BRCA1: variants seen among roughly 807,000 people sequenced by gnomAD.
BRCA1 encodes breast cancer type 1 susceptibility protein.
In BRCA1, 140 loss-of-function variants were observed where a neutral mutation model predicts 173.7. The observed-to-expected ratio is 0.81, with a 90% CI of 0.70 to 0.93. BRCA1 has a LOEUF of 0.93. Among genes scored for constraint, BRCA1 ranks in the 40% least tolerant of loss-of-function variants. The pLI, the probability that BRCA1 is intolerant of heterozygous loss-of-function variation, is 0.00. For synonymous variants in BRCA1, 662 were observed against 756.0 expected (o/e 0.88, Z 2.04); for missense variants, 1,983 against 2,172.5 (o/e 0.91, Z 1.73).
chr17:43,138,958 C>T (rs2056052572), intron 1 of BRCA1: 1 of 778,782 alleles, frequency 1.3e-6, no homozygotes, highest in South Asian at 1.3e-5. Context: ...ACAACCCCCT[C>T]CCCACAACCT....
intron 11 of BRCA1, among the ~76,000 whole-genome samples, chr17:43,083,595 G>A (rs1245508803): frequency 1.3e-5 from 2 of 152,178 alleles, no homozygotes; most frequent in East Asian, 3.8e-4. Flanking sequence ...TCATGGTGCT[G>A]CCATTCTAGA....
chr17:43,100,681 A>ATG (rs1372486950), intron 6 of BRCA1, among the ~76,000 whole-genome samples: 4 of 11,432 alleles, frequency 3.5e-4, no homozygotes, highest in Middle Eastern at 0.045. Context: ...TATATATAAT[A>ATG]TATATATATA....
At chr17:43,082,355 A>T in intron 12 of BRCA1, 49 bp downstream of exon 12, 1 of 1,582,398 alleles carries the variant, frequency 6.3e-7, no homozygotes, top group African/African-American at 1.3e-5. Flanking sequence ...GATAAAGGGG[A>T]AGGAAAGAAT....
In BRCA1 at chr17:43,097,321, T is replaced by C. The variant is rs1384728821; in HGVS notation, c.548-32A>G. 5.7e-6 allele frequency: 9 copies of C among 1,568,826 alleles called. No individual in the cohort carries two copies. In the East Asian group the frequency reaches 6.7e-5, roughly 12 times the overall value. On this transcript the variant is annotated intron_variant, in intron 7 of 22. Transcript: ENST00000357654. ...AATTTCCCCCCAAAAAATAAATCAATAAAAGTTTTCTTAATTAAAAGGGTT... is the reference window on the plus strand; with the variant it reads ...AATTTCCCCCCAAAAAATAAATCAACAAAAGTTTTCTTAATTAAAAGGGTT...
intron 18 of BRCA1, among the ~76,000 whole-genome samples, chr17:43,060,387 C>T (rs1357658009): frequency 3.3e-5 from 5 of 151,972 alleles, no homozygotes; most frequent in Admixed American, 3.3e-4. Context: ...GGGGTTTTGC[C>T]ACGTTGGCCA....
rs373218165 is a variant in BRCA1 at position 43,094,414 on chromosome 17, T to C, written c.1117A>G (p.Ile373Val). The stretch of plus-strand genomic sequence containing the variant: ...TTCTGAATGCTGCTATTTAGTGTTA[T>C]CCAAGGAACATCTTCAGTATCTCTA... ...NPRDTEDVPW[I>V]TLNSSIQKVN... The change falls in exon 10 of 23, where the codon ATA becomes GTA. Residue 373 changes from isoleucine (I) to valine (V), a missense_variant. By Grantham distance (29) the Ile-to-Val change is conservative (BLOSUM62 3). Coordinates refer to ENST00000357654, the MANE Select transcript of BRCA1 (RefSeq NM_007294.4). 6.2e-7 allele frequency: 1 copy of C among 1,614,080 alleles called. No homozygotes were observed. Among genetic ancestry groups the C allele is most frequent in the Non-Finnish European group, 8.5e-7 (1 of 1,180,046 alleles).
chr17:43,165,014 C>A (rs2056258414), intron 1 of BRCA1, among the ~76,000 whole-genome samples: 1 of 152,038 alleles, frequency 6.6e-6, no homozygotes, highest in Admixed American at 6.6e-5. Flanking sequence ...CCAAAGAAAG[C>A]CAAATACCAT....
intron 2 of BRCA1, among the ~76,000 whole-genome samples, chr17:43,121,584 G>A (rs2055575352): frequency 6.7e-6 from 1 of 150,028 alleles, no homozygotes; most frequent in African/African-American, 2.5e-5. Flanking sequence ...TCCGGAGGCT[G>A]AGGCAGCAGA....
At position 43,124,077 on chromosome 17, in the gene BRCA1, C is replaced by A. The variant is rs144792613; in HGVS notation, c.20G>T (p.Arg7Leu). 1 of 1,613,436 alleles carries A rather than the reference C, an allele frequency of 6.2e-7. No individual in the cohort carries two copies. Among genetic ancestry groups the A allele is most frequent in the Non-Finnish European group, 8.5e-7 (1 of 1,179,538 alleles). ...AATGACATTTTGTACTTCTTCAACG[C>A]GAAGAGCAGATAAATCCATTTCTTT... MDLSAL[R>L]VEEVQNVINA... The change falls in exon 2 of 23, where the codon CGC becomes CTC. Residue 7 changes from arginine to leucine, a missense_variant. Coordinates refer to ENST00000357654, the MANE Select transcript of BRCA1 (RefSeq NM_007294.4).
chr17:43,116,974 T>G (rs945537488), intron 2 of BRCA1, among the ~76,000 whole-genome samples: 2 of 152,220 alleles, frequency 1.3e-5, no homozygotes, highest in African/African-American at 4.8e-5. Flanking sequence ...TAGCCTTATT[T>G]CCTATAAACT....
chr17:43,159,308 G>A (rs964571221), intron 1 of BRCA1: 2 of 166,382 alleles, frequency 1.2e-5, no homozygotes, highest in South Asian at 1.9e-4. Context: ...AAATGTGGCC[G>A]GGCAGGGGGC....
At chr17:43,058,247 G>A (rs2051596301) in intron 18 of BRCA1, among the ~76,000 whole-genome samples, 1 of 151,708 alleles carries the variant, frequency 6.6e-6, no homozygotes, top group East Asian at 1.9e-4. Context: ...AGTTGCATGT[G>A]CCTGCAGTCC....
At chr17:43,144,222 C>CA in intron 1 of BRCA1, 1 of 334,332 alleles carries the variant, frequency 3.0e-6, no homozygotes, top group Non-Finnish European at 6.1e-6. Flanking sequence ...GACTCCATCT[C>CA]AATAAAAAAA....
chr17:43,121,174 GA>G (rs1306526155), intron 2 of BRCA1, among the ~76,000 whole-genome samples: 1 of 151,886 alleles, frequency 6.6e-6, no homozygotes, highest in Non-Finnish European at 1.5e-5. Flanking sequence ...AGGAGATCGA[GA>G]CCATCTTGGC....
At chr17:43,104,336 G>GC in intron 5 of BRCA1, 75 bp from the exon 6 acceptor site, 2 of 1,472,650 alleles carry the variant, frequency 1.4e-6, no homozygotes, top group South Asian at 2.3e-5. Context: ...GAAACCAAGA[G>GC]AAACCCTATG....
At chr17:43,067,255 G>GTTTT (rs34267863) in intron 16 of BRCA1, 6 of 172,730 alleles carry the variant, frequency 3.5e-5, no homozygotes, top group South Asian at 9.3e-5. Flanking sequence ...ATTTTTTCAC[G>GTTTT]TTTTTTTTTT....
At position 43,045,622 on chromosome 17, in the gene BRCA1, C is replaced by T. The variant is rs2152458384; in HGVS notation, c.*56G>A. The T allele has an allele frequency of 6.2e-7, 1 of 1,612,702 alleles. No homozygotes were observed. The highest frequency in any genetic ancestry group is 8.5e-7 in the Non-Finnish European group (1 of 1,179,406). ...AGGAGCTCCCAGGGCCTGGAAAGGC[C>T]ACTTTGTAAGCTCATTCTTGGGGTC... On this transcript the variant is annotated 3_prime_UTR_variant, in exon 23 of 23. Transcript: ENST00000357654.
chr17:43,057,537 T>TA (rs1234118104), intron 18 of BRCA1, among the ~76,000 whole-genome samples: 2,131 of 129,050 alleles, frequency 0.017, 50 homozygotes, highest in African/African-American at 0.055. Context: ...AAAATAAAAT[T>TA]AAAAAAAAAA....
chr17:43,121,077 C>CA (rs2055539134), intron 2 of BRCA1, among the ~76,000 whole-genome samples: 8 of 136,246 alleles, frequency 5.9e-5, no homozygotes, highest in South Asian at 2.4e-4. Flanking sequence ...CCCCCCACCC[C>CA]GAAAAAAAAA....
Sources: allele counts gnomAD v4.1 joint callset (sites outside exome capture counted in the v4.1 genomes callset), GRCh38; gene constraint gnomAD v4.1.1; transcripts MANE v1.5; gene names NCBI Gene and HGNC (gene_info 2026-07-23, HGNC 2026-07-21).